The following STK32B variants were observed in gnomAD, a reference collection of about 807,000 sequenced individuals.
STK32B encodes the protein serine/threonine-protein kinase 32B.
Under a neutral mutation model 52.6 loss-of-function variants are expected in STK32B, and 43 were observed. The observed-to-expected ratio is 0.82, with a 90% CI of 0.64 to 1.05. The LOEUF is 1.05. STK32B is among the 50% of genes least tolerant of loss of function. STK32B has a pLI of 0.00. For synonymous variants in STK32B, 238 were observed against 204.3 expected (o/e 1.17, Z -1.41); for missense variants, 621 against 534.6 (o/e 1.16, Z -1.59).
At chr4:5,084,558 CT>C (rs777851144) in intron 1 of STK32B, among the ~76,000 whole-genome samples, 23 of 152,094 alleles carry the variant, frequency 1.5e-4, no homozygotes, top group Non-Finnish European at 2.4e-4. Flanking sequence ...AAAATAAGAT[CT>C]TCAGAATGCT....
At chr4:5,086,702 C>G (rs1460086991) in intron 1 of STK32B, among the ~76,000 whole-genome samples, 3 of 151,688 alleles carry the variant, frequency 2.0e-5, no homozygotes, top group Non-Finnish European at 4.4e-5. Context: ...TTGAAAGCAG[C>G]AAGGGAGAAG....
intron 4 of STK32B, among the ~76,000 whole-genome samples, chr4:5,372,770 G>C (rs1735337809): frequency 6.6e-6 from 1 of 151,134 alleles, no homozygotes; most frequent in Admixed American, 6.6e-5. Flanking sequence ...CTTCCTTTCT[G>C]CCACGCATCA....
chr4:5,274,775 C>G (rs527943682), intron 3 of STK32B, among the ~76,000 whole-genome samples: 3 of 152,218 alleles, frequency 2.0e-5, no homozygotes, highest in Middle Eastern at 3.4e-3. Flanking sequence ...TGTTACGGCT[C>G]GAGCTGAGCT....
intron 4 of STK32B, among the ~76,000 whole-genome samples, chr4:5,367,617 C>T (rs1234018837): frequency 6.6e-6 from 1 of 152,178 alleles, no homozygotes; most frequent in African/African-American, 2.4e-5. Context: ...TCAAGCCACC[C>T]ATAGGGCTGC....
chr4:5,263,395 A>G (rs1159628669), intron 3 of STK32B, among the ~76,000 whole-genome samples: 3 of 152,160 alleles, frequency 2.0e-5, no homozygotes, highest in African/African-American at 7.2e-5. Context: ...GTGTCATCCC[A>G]TGTGTTCCCA....
intron 3 of STK32B, among the ~76,000 whole-genome samples, chr4:5,280,232 C>T (rs1728102878): frequency 6.6e-6 from 1 of 152,044 alleles, no homozygotes; most frequent in Non-Finnish European, 1.5e-5. Context: ...TTCAAAGTTC[C>T]ACAAATCTCT....
At chr4:5,354,556 C>T (rs777001288) in intron 4 of STK32B, among the ~76,000 whole-genome samples, 1 of 152,194 alleles carries the variant, frequency 6.6e-6, no homozygotes, top group African/African-American at 2.4e-5. Flanking sequence ...GTGACCACCA[C>T]GCCTGGCCCC....
intron 3 of STK32B, among the ~76,000 whole-genome samples, chr4:5,308,036 AGTGAAG>A (rs1730044007): frequency 6.6e-6 from 1 of 151,990 alleles, no homozygotes. Context: ...GTAGCAGGGG[AGTGAAG>A]TGGATTATGT....
At chr4:5,288,404 G>A (rs1216460466) in intron 3 of STK32B, among the ~76,000 whole-genome samples, 2 of 152,044 alleles carry the variant, frequency 1.3e-5, no homozygotes, top group Non-Finnish European at 2.9e-5. Context: ...CTGTGTTATT[G>A]TCCATCTTTT....
chr4:5,289,823 G>T (rs750599394), intron 3 of STK32B, among the ~76,000 whole-genome samples: 5 of 150,910 alleles, frequency 3.3e-5, no homozygotes, highest in Non-Finnish European at 7.4e-5. Context: ...GATTACAAGC[G>T]TGATGAGCCA....
chr4:5,457,603 C>CA, intron 8 of STK32B, among the ~76,000 whole-genome samples: 1 of 149,116 alleles, frequency 6.7e-6, no homozygotes, highest in Non-Finnish European at 1.5e-5. Context: ...CGCAGTGTCT[C>CA]ACGCCTGTAA....
At chr4:5,094,656 A>G (rs1713281683) in intron 1 of STK32B, among the ~76,000 whole-genome samples, 1 of 152,182 alleles carries the variant, frequency 6.6e-6, no homozygotes, top group South Asian at 2.1e-4. Context: ...CCCTGTTGCT[A>G]TAAAAGAATA....
chr4:5,162,117 C>T (rs916249816), intron 2 of STK32B, among the ~76,000 whole-genome samples: 1 of 152,120 alleles, frequency 6.6e-6, no homozygotes, highest in African/African-American at 2.4e-5. Context: ...AGACTTTGCA[C>T]CCCATAGTCC....
chr4:5,095,541 G>A (rs1034686860), intron 1 of STK32B, among the ~76,000 whole-genome samples: 1 of 152,186 alleles, frequency 6.6e-6, no homozygotes, highest in Non-Finnish European at 1.5e-5. Flanking sequence ...CTTGAACCTG[G>A]AAGGTAGAGG....
chr4:5,406,175 A>C (rs1577454373), intron 5 of STK32B, among the ~76,000 whole-genome samples: 1 of 152,152 alleles, frequency 6.6e-6, no homozygotes, highest in East Asian at 1.9e-4. Flanking sequence ...TTAAATCTTA[A>C]AGCTCCAAAA....
chr4:5,243,409 G>C (rs948525911), intron 3 of STK32B, among the ~76,000 whole-genome samples: 1 of 152,150 alleles, frequency 6.6e-6, no homozygotes, highest in African/African-American at 2.4e-5. Context: ...GAATGCTTGC[G>C]ATTTTTGCAC....
At chr4:5,334,999 G>A (rs202114479) in intron 4 of STK32B, among the ~76,000 whole-genome samples, 7,129 of 152,058 alleles carry the variant, frequency 0.047, 218 homozygotes, top group South Asian at 0.074. Flanking sequence ...CATAAAATGA[G>A]TTAAGGAGGA....
At chr4:5,374,897 T>C (rs765658423) in intron 4 of STK32B, among the ~76,000 whole-genome samples, 4 of 152,174 alleles carry the variant, frequency 2.6e-5, no homozygotes, top group Non-Finnish European at 4.4e-5. Context: ...TGCCTGACAA[T>C]GTCTGTTCTT....
At chr4:5,283,838 GT>G (rs1728367964) in intron 3 of STK32B, among the ~76,000 whole-genome samples, 1 of 152,024 alleles carries the variant, frequency 6.6e-6, no homozygotes, top group Non-Finnish European at 1.5e-5. Flanking sequence ...GGGAGTTTTT[GT>G]TTGTTTGTTT....
Sources: allele counts gnomAD v4.1 joint callset (sites outside exome capture counted in the v4.1 genomes callset), GRCh38; gene constraint gnomAD v4.1.1; transcripts MANE v1.5; gene names NCBI Gene and HGNC (gene_info 2026-07-23, HGNC 2026-07-21).